The following UPP2 variants were observed in gnomAD, a reference collection of about 807,000 sequenced individuals.
UPP2 encodes the protein UPase 2.
A neutral mutation model predicts 26.7 loss-of-function variants in UPP2; 23 were observed. The observed-to-expected ratio is 0.86, with a 90% CI of 0.62 to 1.22. The LOEUF (loss-of-function observed/expected upper bound fraction) is 1.22, where lower values mean the gene tolerates loss of function less well. Ranked by LOEUF, UPP2 falls within the 50% of genes most tolerant of loss-of-function variation. UPP2 has a pLI of 0.00. For synonymous variants in UPP2, 127 were observed against 141.3 expected (o/e 0.90, Z 0.72); for missense variants, 387 against 396.7 (o/e 0.98, Z 0.21).
Position 158,117,826 on chromosome 2 carries a change from C to A in UPP2, c.342C>A (p.His114Gln), listed in dbSNP as rs374200548. Residue 114 changes from histidine to glutamine, a missense_variant and splice_region_variant, in exon 4 of 7, where the codon CAC becomes CAA. Physicochemically the swap from His to Gln is conservative, Grantham distance 24. Transcript: ENST00000005756. ...YKTGPVLAIS[H>Q]GMGIPSISIM... ...TGACTTTCTCTTTCTCTCAATAGCA[C>A]GGCATGGGCATCCCCTCCATTTCTA... The A allele has an allele frequency of 6.2e-7, 1 of 1,607,136 alleles. No individual in the cohort carries two copies. The highest frequency in any genetic ancestry group is 8.5e-7 in the Non-Finnish European group (1 of 1,173,634).
intron 3 of UPP2, among the ~76,000 whole-genome samples, chr2:158,087,867 TAG>T (rs1682841754): frequency 6.6e-6 from 1 of 152,190 alleles, no homozygotes; most frequent in Admixed American, 6.5e-5. Flanking sequence ...GTTAATCTGA[TAG>T]AGTTTCCTTT....
At chr2:158,120,803 G>C (rs1276869021) in intron 4 of UPP2, among the ~76,000 whole-genome samples, 1 of 151,988 alleles carries the variant, frequency 6.6e-6, no homozygotes, top group African/African-American at 2.4e-5. Context: ...GTGACTTGGT[G>C]TGTGGTGAAA....
upstream of UPP2, among the ~76,000 whole-genome samples, chr2:158,097,095 C>T (rs1682997389): frequency 6.6e-6 from 1 of 151,646 alleles, no homozygotes; most frequent in African/African-American, 2.4e-5. Context: ...AAAATATGAA[C>T]CAGAAAAAAA....
At chr2:158,120,594 G>C (rs1401389536) in intron 4 of UPP2, among the ~76,000 whole-genome samples, 2 of 152,034 alleles carry the variant, frequency 1.3e-5, no homozygotes, top group African/African-American at 4.8e-5. Flanking sequence ...GACAGAGAGA[G>C]TCTAGGGCAT....
chr2:158,013,013 T>TTA (rs1000204959), intron 2 of UPP2, among the ~76,000 whole-genome samples: 3 of 138,730 alleles, frequency 2.2e-5, no homozygotes, highest in Non-Finnish European at 4.5e-5. Context: ...GTTATTATTA[T>TTA]TTTTTTTTTT....
At chr2:158,071,550 C>CAAAAAA (rs56926948) in intron 3 of UPP2, among the ~76,000 whole-genome samples, 2 of 65,474 alleles carry the variant, frequency 3.1e-5, no homozygotes, top group East Asian at 1.0e-3. Context: ...GATTCTGTCT[C>CAAAAAA]AAAAAAAAAA....
At chr2:158,098,201 A>G (rs535746786), upstream of UPP2, among the ~76,000 whole-genome samples, 38 of 152,254 alleles carry the variant, frequency 2.5e-4, 1 homozygote, top group African/African-American at 8.2e-4. Context: ...TGAGAGTAAG[A>G]GGGCAGGAGA....
intron 5 of UPP2, among the ~76,000 whole-genome samples, chr2:158,122,942 G>T (rs200486459): frequency 2.6e-5 from 4 of 152,234 alleles, no homozygotes; most frequent in African/African-American, 9.6e-5. Context: ...TGAAAGTAGC[G>T]TGAAAGAGAT....
At chr2:158,074,457 G>GT (rs1480520985) in intron 3 of UPP2, among the ~76,000 whole-genome samples, 1 of 152,002 alleles carries the variant, frequency 6.6e-6, no homozygotes, top group Admixed American at 6.6e-5. Context: ...GTTTTTATTA[G>GT]TTTTTTTGTT....
intron 3 of UPP2, among the ~76,000 whole-genome samples, chr2:158,040,046 T>C (rs1427729883): frequency 6.6e-6 from 1 of 152,150 alleles, no homozygotes; most frequent in Non-Finnish European, 1.5e-5. Flanking sequence ...TAACCAGAAG[T>C]GAAAAGGAAG....
At chr2:158,039,730 A>G (rs1335166061) in intron 3 of UPP2, among the ~76,000 whole-genome samples, 2 of 152,238 alleles carry the variant, frequency 1.3e-5, no homozygotes, top group African/African-American at 2.4e-5. Context: ...TGTTAATCAG[A>G]ATCTGCATTT....
In UPP2 at chr2:158,101,992, AAT is replaced by A. The variant is rs1419951651; in HGVS notation, c.-71_-70del. The A allele has an allele frequency of 6.2e-7, 1 of 1,600,822 alleles. No homozygotes were observed. Among genetic ancestry groups the A allele is most frequent in the African/African-American group, 1.4e-5 (1 of 73,908 alleles). The stretch of plus-strand genomic sequence containing the variant: ...ACTGAACTATTATGACTAGGTCTAT[AAT>A]TTAATAACAAGTCACAATATCTCTC... On this transcript the variant is annotated 5_prime_UTR_variant, in exon 1 of 7. An upstream open reading frame in the 5' UTR loses its in-frame stop. Coordinates refer to ENST00000005756, the MANE Select transcript of UPP2 (RefSeq NM_173355.4).
rs1682069615 is a variant in UPP2, at chr2:158,048,128, G to A, written c.147+32242G>A. ...CCTAATCTATAAGGGGCACTAAACAGTACTAGACACAGAAAAGAAAGGACA... is the reference window on the plus strand; with the variant it reads ...CCTAATCTATAAGGGGCACTAAACAATACTAGACACAGAAAAGAAAGGACA... On this transcript the variant is annotated intron_variant, in intron 3 of 9. Transcript: ENST00000605860. 2.0e-5 allele frequency among the ~76,000 whole-genome samples: 3 copies of A among 152,160 alleles called. 1 individual carries two copies.
chr2:158,130,778 A>C (rs927973832), intron 6 of UPP2, among the ~76,000 whole-genome samples: 1 of 152,214 alleles, frequency 6.6e-6, no homozygotes, highest in Admixed American at 6.5e-5. Context: ...TGTAAAAATA[A>C]TTTAACTGGG....
chr2:158,039,544 G>A (rs190788247), intron 3 of UPP2, among the ~76,000 whole-genome samples: 114 of 152,314 alleles, frequency 7.5e-4, no homozygotes, highest in African/African-American at 2.6e-3. Flanking sequence ...GGGTCTTTAA[G>A]CTCCCTGTTG....
chr2:158,025,124 C>A (rs987833016), intron 3 of UPP2, among the ~76,000 whole-genome samples: 2 of 151,718 alleles, frequency 1.3e-5, no homozygotes, highest in African/African-American at 4.8e-5. Flanking sequence ...ATCGCTTGAA[C>A]CCGGGAGGTG....
chr2:158,061,069 A>C (rs1682344620), intron 3 of UPP2, among the ~76,000 whole-genome samples: 2 of 152,372 alleles, frequency 1.3e-5, no homozygotes, highest in South Asian at 4.1e-4. Context: ...TTATCTTAAT[A>C]GTAAAGCTAA....
chr2:157,998,118 G>A (rs1299468464), intron 2 of UPP2, among the ~76,000 whole-genome samples: 2 of 152,104 alleles, frequency 1.3e-5, no homozygotes, highest in Non-Finnish European at 2.9e-5. Flanking sequence ...TCATGCAACT[G>A]GAGGTGGTTT....
intron 2 of UPP2, among the ~76,000 whole-genome samples, chr2:158,010,018 CCA>C (rs1400984419): frequency 2.6e-5 from 4 of 152,158 alleles, no homozygotes; most frequent in Non-Finnish European, 4.4e-5. Flanking sequence ...GTGGAAGACA[CCA>C]GGAAACGAGT....
Sources: gnomAD v4.1 joint callset for allele counts (sites outside exome capture counted in the v4.1 genomes callset) on GRCh38, gnomAD v4.1.1 for gene constraint, MANE v1.5 for transcripts, NCBI Gene and HGNC (gene_info 2026-07-23, HGNC 2026-07-21) for gene names.